Variants in ARHGAP12 observed in about 807,000 individuals in gnomAD.
ARHGAP12 encodes the protein Rho GTPase activating protein 12.
ARHGAP12 carries 64 observed loss-of-function variants against 108.6 expected under a neutral mutation model. That is an observed-to-expected ratio of 0.59 (90% confidence interval 0.48 to 0.73). The LOEUF (loss-of-function observed/expected upper bound fraction) is 0.73. Ranked by LOEUF, ARHGAP12 falls within the 30% of genes least tolerant of loss-of-function variation. The pLI is 0.00. For missense variants in ARHGAP12, 940 were observed against 1,005.9 expected (o/e 0.93, Z 0.89); for synonymous variants, 312 against 337.2 (o/e 0.93, Z 0.82).
At chr10:31,856,082 G>A (rs1206017490) in intron 4 of ARHGAP12, among the ~76,000 whole-genome samples, 1 of 152,114 alleles carries the variant, frequency 6.6e-6, no homozygotes, top group African/African-American at 2.4e-5. Context: ...ACAAATATGA[G>A]GGGGCTATGG....
At chr10:31,921,315 A>C (rs759197605) in intron 1 of ARHGAP12, among the ~76,000 whole-genome samples, 3 of 152,206 alleles carry the variant, frequency 2.0e-5, no homozygotes, top group Non-Finnish European at 4.4e-5. Context: ...ATGTGTACTG[A>C]ATGAAAATGA....
chr10:31,863,200 T>C (rs903404962), intron 3 of ARHGAP12, among the ~76,000 whole-genome samples: 2 of 152,180 alleles, frequency 1.3e-5, no homozygotes, highest in Non-Finnish European at 2.9e-5. Context: ...AACAACATCT[T>C]TCTATGAAGA....
intron 6 of ARHGAP12, among the ~76,000 whole-genome samples, chr10:31,851,771 T>C (rs1177453417): frequency 3.3e-5 from 5 of 152,230 alleles, no homozygotes; most frequent in African/African-American, 1.2e-4. Flanking sequence ...ATTTATACTA[T>C]TAATATTCTT....
chr10:31,851,167 T>C (rs1836663931), intron 6 of ARHGAP12, among the ~76,000 whole-genome samples: 1 of 152,156 alleles, frequency 6.6e-6, no homozygotes, highest in African/African-American at 2.4e-5. Context: ...AACAGTATTT[T>C]AAAAAACAAT....
intron 6 of ARHGAP12, among the ~76,000 whole-genome samples, chr10:31,844,080 CTAG>C (rs1836363605): frequency 6.6e-6 from 1 of 152,104 alleles, no homozygotes; most frequent in South Asian, 2.1e-4. Context: ...TCAAAATGAA[CTAG>C]TAAGTTCTTT....
At chr10:31,821,574 T>G (rs1208306668) in intron 11 of ARHGAP12, among the ~76,000 whole-genome samples, 1 of 152,198 alleles carries the variant, frequency 6.6e-6, no homozygotes. Flanking sequence ...CTTACCCAAC[T>G]TTGTGATAAC....
chr10:31,841,552 A>G (rs1471661625), intron 7 of ARHGAP12, among the ~76,000 whole-genome samples: 3 of 152,170 alleles, frequency 2.0e-5, no homozygotes, highest in African/African-American at 7.2e-5. Flanking sequence ...GGGTAAACAG[A>G]TTACAACGGT....
chr10:31,902,776 T>C (rs994389425), intron 3 of ARHGAP12, among the ~76,000 whole-genome samples: 2 of 152,174 alleles, frequency 1.3e-5, no homozygotes, highest in African/African-American at 4.8e-5. Flanking sequence ...GCTTCTGTGA[T>C]GGTTAACTGT....
intron 3 of ARHGAP12, among the ~76,000 whole-genome samples, chr10:31,905,101 A>T (rs1404877943): frequency 6.6e-6 from 1 of 152,196 alleles, no homozygotes; most frequent in Non-Finnish European, 1.5e-5. Flanking sequence ...CTGGTTACAG[A>T]ATATATACAT....
At chr10:31,882,104 CG>C (rs1270194960) in intron 3 of ARHGAP12, among the ~76,000 whole-genome samples, 1 of 151,760 alleles carries the variant, frequency 6.6e-6, no homozygotes, top group Non-Finnish European at 1.5e-5. Flanking sequence ...TTAGTAGAGA[CG>C]GGGTTTCACC....
intron 3 of ARHGAP12, among the ~76,000 whole-genome samples, chr10:31,874,973 C>CAAAAAAAAAAAAAAAAAAAA (rs59050160): frequency 1.7e-5 from 1 of 58,312 alleles, no homozygotes; most frequent in Non-Finnish European, 3.0e-5. Context: ...GACTCTGTCT[C>CAAAAAAAAAAAAAAAAAAAA]AAAAAAAAAA....
chr10:31,885,729 G>GA (rs754756137), intron 3 of ARHGAP12, among the ~76,000 whole-genome samples: 42 of 151,262 alleles, frequency 2.8e-4, no homozygotes, highest in Non-Finnish European at 4.3e-4. Context: ...TGAGGCACGA[G>GA]AATCGCTTGA....
intron 6 of ARHGAP12, among the ~76,000 whole-genome samples, chr10:31,850,138 C>T (rs1836619104): frequency 6.6e-6 from 1 of 152,146 alleles, no homozygotes; most frequent in South Asian, 2.1e-4. Context: ...GCAGATGATT[C>T]CTCCAAAAAC....
chr10:31,919,798 A>C (rs554898415), intron 1 of ARHGAP12, among the ~76,000 whole-genome samples: 23 of 149,140 alleles, frequency 1.5e-4, no homozygotes, highest in Non-Finnish European at 3.3e-4. Context: ...TTTCAAAAAA[A>C]AAAACAAAAC....
At chr10:31,901,115 C>A (rs1838899642) in intron 3 of ARHGAP12, among the ~76,000 whole-genome samples, 1 of 151,004 alleles carries the variant, frequency 6.6e-6, no homozygotes. Flanking sequence ...ACTGAGGAGG[C>A]TAAGGCGGGA....
In ARHGAP12 at chr10:31,908,637, C is replaced by T. The variant is rs753279193; in HGVS notation, c.219G>A (p.Thr73=). The change falls in exon 3 of 20, where the codon ACG becomes ACA. Residue 73 remains threonine, a synonymous_variant. Coordinates refer to ENST00000344936, the MANE Select transcript of ARHGAP12 (RefSeq NM_018287.7). ...TAACAGGTGGCATGAGAGCTTTGCGCGTGACCTCCTTCACATACTGGGCTG... is the reference window on the plus strand; with the variant it reads ...TAACAGGTGGCATGAGAGCTTTGCGTGTGACCTCCTTCACATACTGGGCTG... ...YVPAQYVKEV[T]RKALMPPVKQ... is the part of the protein sequence containing the mutation. 73 of 1,614,046 alleles carry T rather than the reference C, an allele frequency of 4.5e-5. No homozygotes were observed. Among genetic ancestry groups the T allele is most frequent in the African/African-American group, 5.3e-5 (4 of 74,932 alleles).
At chr10:31,927,291 G>A (rs1039733163) in intron 1 of ARHGAP12, among the ~76,000 whole-genome samples, 3 of 152,164 alleles carry the variant, frequency 2.0e-5, no homozygotes, top group African/African-American at 4.8e-5. Context: ...GACCGATTCT[G>A]TAAAACACCC....
At chr10:31,903,461 C>T (rs1839006942) in intron 3 of ARHGAP12, among the ~76,000 whole-genome samples, 1 of 152,098 alleles carries the variant, frequency 6.6e-6, no homozygotes, top group Admixed American at 6.5e-5. Context: ...TCTGGAAAAG[C>T]CTAATATAGC....
At chr10:31,902,649 T>A (rs1838976741) in intron 3 of ARHGAP12, among the ~76,000 whole-genome samples, 1 of 150,472 alleles carries the variant, frequency 6.6e-6, no homozygotes, top group Admixed American at 6.6e-5. Flanking sequence ...CCAGCCTAGG[T>A]GACAGACAAA....
Sources: allele counts gnomAD v4.1 joint callset (sites outside exome capture counted in the v4.1 genomes callset), GRCh38; gene constraint gnomAD v4.1.1; transcripts MANE v1.5; gene names NCBI Gene and HGNC (gene_info 2026-07-23, HGNC 2026-07-21).